ANKRD28: variants seen among roughly 807,000 people sequenced by gnomAD.
ANKRD28 encodes the protein serine/threonine-protein phosphatase 6 regulatory ankyrin repeat subunit A.
ANKRD28 carries 44 observed loss-of-function variants against 126.5 expected under a neutral mutation model. The ratio of observed to expected loss-of-function variants is 0.35; its 90% confidence interval spans 0.27 to 0.45. The LOEUF is 0.45. Among genes scored for constraint, ANKRD28 ranks in the 20% least tolerant of loss-of-function variants. The pLI is 1.00. For missense variants in ANKRD28, 1,110 were observed against 1,316.6 expected (o/e 0.84, Z 2.43); for synonymous variants, 442 against 468.5 (o/e 0.94, Z 0.73).
At chr3:15,799,212 T>C (rs2060404051), upstream of ANKRD28, among the ~76,000 whole-genome samples, 1 of 151,826 alleles carries the variant, frequency 6.6e-6, no homozygotes, top group Non-Finnish European at 1.5e-5. Context: ...CCTATAAAGG[T>C]TGTGAAAAGT....
intron 4 of ANKRD28, among the ~76,000 whole-genome samples, chr3:15,743,313 C>T (rs1161310116): frequency 6.6e-6 from 1 of 151,958 alleles, no homozygotes. Flanking sequence ...TATGACCCTG[C>T]CAAATCCCCC....
chr3:15,752,243 A>G (rs930419906), intron 3 of ANKRD28, among the ~76,000 whole-genome samples: 1 of 152,180 alleles, frequency 6.6e-6, no homozygotes, highest in Non-Finnish European at 1.5e-5. Context: ...TCACGCCATA[A>G]GGTAATATGA....
intron 1 of ANKRD28, among the ~76,000 whole-genome samples, chr3:15,858,832 CT>C (rs1355789939): frequency 6.6e-6 from 1 of 152,174 alleles, no homozygotes; most frequent in African/African-American, 2.4e-5. Flanking sequence ...TTGACCAGCT[CT>C]TCATAAGTCA....
At chr3:15,717,117 A>G (rs1481313686) in intron 8 of ANKRD28, among the ~76,000 whole-genome samples, 1 of 152,210 alleles carries the variant, frequency 6.6e-6, no homozygotes, top group Non-Finnish European at 1.5e-5. Context: ...CTCATAGCTA[A>G]TAAGTGATGA....
At chr3:15,826,654 G>A (rs1260138618) in intron 1 of ANKRD28, among the ~76,000 whole-genome samples, 1 of 152,046 alleles carries the variant, frequency 6.6e-6, no homozygotes, top group African/African-American at 2.4e-5. Context: ...AGGTAGTTAG[G>A]TTTATATTTT....
rs184686357 is a variant in ANKRD28, at chr3:15,833,427, C to G, written c.27+25950G>C. On this transcript the variant is annotated intron_variant, in intron 1 of 27. Coordinates refer to the ANKRD28 transcript ENST00000399451. The surrounding 1 kb of genome is among the most constrained non-coding windows in gnomAD (Gnocchi z 4.4). ...TGCTCCTCAGCTGGCAGATGCCCTA[C>G]TGTGGGACCTTGTGATCATGTGAGT... 1.9e-3 allele frequency among the ~76,000 whole-genome samples: 294 copies of G among 151,734 alleles called. 1 individual carries two copies. Among genetic ancestry groups the G allele is most frequent in the African/African-American group, 6.5e-3 (269 of 41,424 alleles).
chr3:15,712,790 T>C (rs936583559), intron 10 of ANKRD28, among the ~76,000 whole-genome samples: 3 of 152,316 alleles, frequency 2.0e-5, no homozygotes, highest in African/African-American at 7.2e-5. Context: ...CTAGAGCAAC[T>C]TGTACAGATG....
chr3:15,804,872 G>A lies in ANKRD28; in HGVS notation c.28-9566C>T, dbSNP rs1225797869. On this transcript the variant is annotated intron_variant, in intron 1 of 27. Transcript: ENST00000399451. ...TGACAGATGATAGCAACAAGAAATAGAAGGATCACCTAGCCAAATGGTATG... is the reference window on the plus strand; with the variant it reads ...TGACAGATGATAGCAACAAGAAATAAAAGGATCACCTAGCCAAATGGTATG... Among the ~76,000 whole-genome samples the A allele has an allele frequency of 1.4e-5, 2 of 145,548 alleles. 1 individual carries two copies. The highest frequency in any genetic ancestry group is 3.0e-5 in the Non-Finnish European group (2 of 67,158).
intron 13 of ANKRD28, among the ~76,000 whole-genome samples, 182 bp downstream of exon 13, chr3:15,709,486 A>G (rs918851258): frequency 2.0e-5 from 3 of 152,190 alleles, no homozygotes; most frequent in Admixed American, 2.0e-4. Flanking sequence ...TAGGGACTCA[A>G]GAAGAAAACT....
chr3:15,711,145 A>G (rs2072216972), intron 12 of ANKRD28, 66 bp downstream of exon 12: 1 of 1,333,674 alleles, frequency 7.5e-7, no homozygotes, highest in South Asian at 1.3e-5. Context: ...AAAAGAACAA[A>G]GATAAGAGAA....
Position 15,670,288 on chromosome 3 carries a change from G to A in ANKRD28, c.3234C>T (p.Ser1078=), listed in dbSNP as rs770157366. ...LYTDVDELND[S]DSETY ...CAGCCTCTCAGTAGGTCTCAGAATCGGAGTCGTTGAGCTCATCCACGTCAG... is the reference window on the plus strand; with the variant it reads ...CAGCCTCTCAGTAGGTCTCAGAATCAGAGTCGTTGAGCTCATCCACGTCAG... The change falls in exon 28 of 28, where the codon TCC becomes TCT. Residue 1078 remains serine (S), a synonymous_variant. Coordinates refer to ENST00000683139, the MANE Select transcript of ANKRD28 (RefSeq NM_001349278.2). 3.7e-6 allele frequency: 6 copies of A among 1,613,166 alleles called. No individual in the cohort carries two copies. In the Admixed American group the frequency reaches 5.0e-5, roughly 13 times the overall value.
chr3:15,779,453 T>C (rs2059442470), intron 2 of ANKRD28, among the ~76,000 whole-genome samples: 2 of 152,206 alleles, frequency 1.3e-5, no homozygotes, highest in Admixed American at 6.5e-5. Context: ...AAGAAATTAC[T>C]TATAATGCTA....
chr3:15,836,859 CAGATCACAAGGTCAGG>C (rs71064232), intron 1 of ANKRD28, among the ~76,000 whole-genome samples: 70,618 of 151,792 alleles, frequency 0.47, 19,376 homozygotes, highest in Non-Finnish European at 0.6. Context: ...CCGAGGCGGG[CAGATCACAAGGTCAGG>C]AGATCACAAG....
At position 15,854,143 on chromosome 3, in the gene ANKRD28, A is replaced by T. The variant is rs1164336751; in HGVS notation, c.27+5234T>A. ...GATCCATACCTGCACATTCTTGCCA[A>T]AACCTTCGCAGGCCCTATTTTAAGG... On this transcript the variant is annotated intron_variant, in intron 1 of 27. Coordinates refer to the ANKRD28 transcript ENST00000399451. This position sits in a 1 kb window ranked among gnomAD's most constrained non-coding sequence, Gnocchi z 4.1. Among the ~76,000 whole-genome samples the T allele has an allele frequency of 6.6e-6, 1 of 152,168 alleles. No individual in the cohort carries two copies. Among genetic ancestry groups the T allele is most frequent in the Non-Finnish European group, 1.5e-5 (1 of 68,030 alleles).
chr3:15,695,077 G>T, intron 16 of ANKRD28, 111 bp downstream of exon 16: 2 of 899,612 alleles, frequency 2.2e-6, no homozygotes, highest in Non-Finnish European at 3.5e-6. Context: ...CCGTCTTTGT[G>T]CCTAATATGT....
rs1169087291 is a variant in ANKRD28 at position 15,853,099 on chromosome 3, T to G, written c.27+6278A>C. ...TAAAATATTTGAAAATTAAACCACT[T>G]CAACTTTACATTGTATACAATATCC... is the stretch of plus-strand genomic sequence containing the variant. On this transcript the variant is annotated intron_variant, in intron 1 of 27. Coordinates refer to the ANKRD28 transcript ENST00000399451. This position sits in a 1 kb window ranked among gnomAD's most constrained non-coding sequence, Gnocchi z 4.2. Among the ~76,000 whole-genome samples, 1 of 152,106 alleles carries G rather than the reference T, an allele frequency of 6.6e-6. No homozygotes were observed. Among genetic ancestry groups the G allele is most frequent in the Non-Finnish European group, 1.5e-5 (1 of 68,026 alleles).
In ANKRD28 at chr3:15,671,337, GTGA is replaced by G. The variant is rs539654441; in HGVS notation, c.2966-784_2966-782del. Among the ~76,000 whole-genome samples the G allele has an allele frequency of 6.6e-5, 10 of 152,278 alleles. No individual in the cohort carries two copies. The South Asian group carries it at 1.9e-3, about 28-fold the overall frequency. ...GTCTTGAGGACGGAGCGGGAGAGAA[GTGA>G]TAATAGTGTGATGCCAAGCTTCAAT... is the stretch of plus-strand genomic sequence containing the variant. On this transcript the variant is annotated intron_variant, in intron 27 of 27. Coordinates refer to ENST00000683139, the MANE Select transcript of ANKRD28 (RefSeq NM_001349278.2).
intron 9 of ANKRD28, 138 bp from the exon 10 acceptor site, chr3:15,713,779 C>T: frequency 2.1e-6 from 1 of 483,998 alleles, no homozygotes; most frequent in East Asian, 3.3e-5. Flanking sequence ...ATTCATAGCT[C>T]ATTTATTGGG....
chr3:15,766,094 A>C, intron 3 of ANKRD28, 140 bp downstream of exon 3: 1 of 616,474 alleles, frequency 1.6e-6, no homozygotes, highest in Middle Eastern at 3.8e-4. Context: ...GTATTTATGG[A>C]ATGAATATAA....
Sources: allele counts gnomAD v4.1 joint callset (sites outside exome capture counted in the v4.1 genomes callset), GRCh38; gene constraint gnomAD v4.1.1; non-coding constraint Gnocchi (gnomAD v3.1); transcripts MANE v1.5; gene names NCBI Gene and HGNC (gene_info 2026-07-23, HGNC 2026-07-21).